The following COL4A3 variants were observed in gnomAD, a reference collection of about 807,000 sequenced individuals.
COL4A3 encodes collagen alpha-3(IV) chain.
A neutral mutation model predicts 217.4 loss-of-function variants in COL4A3; 135 were observed. The observed-to-expected ratio is 0.62, with a 90% CI of 0.54 to 0.72. The LOEUF (loss-of-function observed/expected upper bound fraction) is 0.72. COL4A3 is among the 30% of genes least tolerant of loss of function. The pLI is 0.00. For missense variants in COL4A3, 1,868 were observed against 2,119.9 expected (o/e 0.88, Z 2.33); for synonymous variants, 690 against 736.3 (o/e 0.94, Z 1.02).
intron 1 of COL4A3, among the ~76,000 whole-genome samples, chr2:227,218,663 A>C (rs1191927311): frequency 6.6e-6 from 1 of 152,178 alleles, no homozygotes; most frequent in Non-Finnish European, 1.5e-5. Flanking sequence ...ATCAAACTCT[A>C]CTTTAGCAAC....
At chr2:227,291,804 C>A (rs1014276516) in intron 37 of COL4A3, among the ~76,000 whole-genome samples, 1 of 152,094 alleles carries the variant, frequency 6.6e-6, no homozygotes, top group African/African-American at 2.4e-5. Context: ...GATGTTAAAG[C>A]CCTTACTACT....
Position 227,279,774 on chromosome 2 carries a change from T to C in COL4A3, c.2126-19T>C, listed in dbSNP as rs766554451. 1 of 1,527,364 alleles carries C rather than the reference T, an allele frequency of 6.5e-7. No homozygotes were observed. The allele number at this position is 1,527,364 out of a possible 1,614,324, so 94.6% of individuals were successfully genotyped here. A position where few individuals can be genotyped will look rare whatever the true frequency, so the allele number is the denominator to read the frequency against. On this transcript the variant is annotated intron_variant, in intron 28 of 51. Transcript: ENST00000396578. ...ATAAGACTAATCCTACAACAATGTT[T>C]ATTGTTTTTTCTCTGTAGGAGACCA...
chr2:227,231,346 G>A (rs1294586416), intron 1 of COL4A3, among the ~76,000 whole-genome samples: 1 of 150,600 alleles, frequency 6.6e-6, no homozygotes, highest in Non-Finnish European at 1.5e-5. Context: ...ATACCAATCA[G>A]TTTTCTTTTA....
intron 43 of COL4A3, among the ~76,000 whole-genome samples, chr2:227,300,422 T>G (rs1292202765): frequency 6.6e-6 from 1 of 152,174 alleles, no homozygotes; most frequent in East Asian, 1.9e-4. Flanking sequence ...TTTATCAATC[T>G]TAGACATCAT....
chr2:227,229,360 T>G (rs977027901), intron 1 of COL4A3, among the ~76,000 whole-genome samples: 3 of 152,254 alleles, frequency 2.0e-5, no homozygotes, highest in Non-Finnish European at 4.4e-5. Flanking sequence ...AAATGATATT[T>G]GGTTAATCAA....
At chr2:227,241,134 A>G (rs2068995505) in intron 3 of COL4A3, among the ~76,000 whole-genome samples, 1 of 152,138 alleles carries the variant, frequency 6.6e-6, no homozygotes, top group Non-Finnish European at 1.5e-5. Context: ...AGTCTGTGAT[A>G]CAGCAAAGGG....
chr2:227,198,239 A>G (rs893766005), intron 1 of COL4A3, among the ~76,000 whole-genome samples: 4 of 152,228 alleles, frequency 2.6e-5, no homozygotes, highest in Non-Finnish European at 5.9e-5. Context: ...CACTCGTGCC[A>G]TTGAAACCAA....
chr2:227,204,717 C>G (rs946407838), intron 1 of COL4A3, among the ~76,000 whole-genome samples: 3 of 152,256 alleles, frequency 2.0e-5, no homozygotes, highest in Non-Finnish European at 2.9e-5. Context: ...CTCAGCCACA[C>G]TTTAGCTCTT....
In COL4A3 at chr2:227,290,835, G is replaced by A. The variant is rs1243092592; in HGVS notation, c.3159G>A (p.Lys1053=). 2 of 1,613,832 alleles carry A rather than the reference G, an allele frequency of 1.2e-6. No homozygotes were observed. Among genetic ancestry groups the A allele is most frequent in the South Asian group, 2.2e-5 (2 of 91,006 alleles). ...GTATTCATGGTCTCCAGGGAGATAA[G>A]GGAGAGCCAGGTTATTCAGAAGGTA... ...LPGIHGLQGD[K]GEPGYSEGTR... Residue 1053 remains lysine (K), a synonymous_variant, in exon 37 of 52, where the codon AAG becomes AAA. Coordinates refer to ENST00000396578, the MANE Select transcript of COL4A3 (RefSeq NM_000091.5).
chr2:227,190,499 A>G (rs2066190368), intron 1 of COL4A3, among the ~76,000 whole-genome samples: 1 of 152,268 alleles, frequency 6.6e-6, no homozygotes, highest in South Asian at 2.1e-4. Context: ...CTAGGAATAT[A>G]TACATATCAG....
chr2:227,252,512 G>A (rs1020909113), intron 11 of COL4A3, among the ~76,000 whole-genome samples: 5 of 151,658 alleles, frequency 3.3e-5, no homozygotes, highest in Admixed American at 6.6e-5. Context: ...CACTATGCCC[G>A]GCTTGGGTAG....
chr2:227,209,692 A>T (rs1046492659), intron 1 of COL4A3, among the ~76,000 whole-genome samples: 5 of 152,166 alleles, frequency 3.3e-5, no homozygotes, highest in African/African-American at 7.2e-5. Flanking sequence ...ATACAAAAAA[A>T]TTAGCTGGGT....
At chr2:227,249,430 T>G (rs2069600383) in intron 9 of COL4A3, among the ~76,000 whole-genome samples, 1 of 150,396 alleles carries the variant, frequency 6.6e-6, no homozygotes, top group African/African-American at 2.5e-5. Flanking sequence ...GAGATGGGGT[T>G]TCACCATGTT....
At position 227,191,058 on chromosome 2, in the gene COL4A3, A is replaced by T. The variant is rs1294906578; in HGVS notation, c.87+26245A>T. 6.6e-6 allele frequency among the ~76,000 whole-genome samples: 1 copy of T among 152,198 alleles called. No homozygotes were observed. Among genetic ancestry groups the T allele is most frequent in the Non-Finnish European group, 1.5e-5 (1 of 68,042 alleles). ...AAAAAATAGATGCAAAGGTTATTATATATGAAATTTTATGTCTTTTTTCTC... is the reference window on the plus strand; with the variant it reads ...AAAAAATAGATGCAAAGGTTATTATTTATGAAATTTTATGTCTTTTTTCTC... On this transcript the variant is annotated intron_variant, in intron 1 of 51. Transcript: ENST00000396578. This position sits in a 1 kb window ranked among gnomAD's most constrained non-coding sequence, Gnocchi z 6.8.
At chr2:227,252,604 AC>A (rs1326152062) in intron 11 of COL4A3, among the ~76,000 whole-genome samples, 3 of 151,846 alleles carry the variant, frequency 2.0e-5, no homozygotes, top group Non-Finnish European at 4.4e-5. Flanking sequence ...ACACACACAC[AC>A]ACACACACAC....
intron 1 of COL4A3, among the ~76,000 whole-genome samples, chr2:227,229,924 G>A (rs1229826020): frequency 4.6e-5 from 7 of 151,890 alleles, no homozygotes; most frequent in African/African-American, 7.3e-5. Flanking sequence ...GGTGGTGGGC[G>A]CCTATAGTCC....
Position 227,270,905 on chromosome 2 carries a change from C to A in COL4A3, c.1711C>A (p.Pro571Thr). Residue 571 changes from proline (P) to threonine (T), a missense_variant, in exon 25 of 52, where the codon CCT (proline) becomes ACT (threonine). Around this residue, in one of 2 missense-constraint regions of COL4A3, gnomAD observed 1,503 missense variants for 1,786.1 expected, o/e 0.84. Coordinates refer to ENST00000396578, the MANE Select transcript of COL4A3 (RefSeq NM_000091.5). ...TGGGAGAAAGGGCTTGGATGGAATTCCTGGAACTCCGGGAGTGAAAGGATT... is the reference window on the plus strand; with the variant it reads ...TGGGAGAAAGGGCTTGGATGGAATTACTGGAACTCCGGGAGTGAAAGGATT... ...QPGRKGLDGI[P>T]GTPGVKGLPG... 6.2e-7 allele frequency: 1 copy of A among 1,614,088 alleles called. No homozygotes were observed. The highest frequency in any genetic ancestry group is 2.2e-5 in the East Asian group (1 of 44,880).
intron 3 of COL4A3, 117 bp from the exon 4 acceptor site, chr2:227,244,203 A>G: frequency 1.3e-6 from 1 of 795,224 alleles, no homozygotes. Flanking sequence ...TTAACAATGA[A>G]ATAATCAGAA....
At chr2:227,252,676 A>G (rs2069849086) in intron 11 of COL4A3, among the ~76,000 whole-genome samples, 2 of 152,086 alleles carry the variant, frequency 1.3e-5, no homozygotes, top group Admixed American at 1.3e-4. Flanking sequence ...TGAATTTTCC[A>G]ATAGACAGTA....
Sources: allele counts gnomAD v4.1 joint callset (sites outside exome capture counted in the v4.1 genomes callset), GRCh38; gene constraint gnomAD v4.1.1; regional missense constraint gnomAD v4.1.1; non-coding constraint Gnocchi (gnomAD v3.1); transcripts MANE v1.5; gene names NCBI Gene and HGNC (gene_info 2026-07-23, HGNC 2026-07-21).